Variants in PRKCG observed in about 807,000 individuals in gnomAD.
PRKCG encodes the protein protein kinase C gamma type.
In PRKCG, 28 loss-of-function variants were observed where a neutral mutation model predicts 82.0. The ratio of observed to expected loss-of-function variants is 0.34; its 90% CI spans 0.25 to 0.47. PRKCG has a LOEUF of 0.47. Ranked by LOEUF, PRKCG falls within the 20% of genes least tolerant of loss-of-function variation. The pLI, the probability that PRKCG is intolerant of heterozygous loss-of-function variation, is 1.00. For missense variants in PRKCG, 640 were observed against 952.7 expected (o/e 0.67, Z 4.32); for synonymous variants, 383 against 376.6 (o/e 1.02, Z -0.20).
At position 53,906,701 on chromosome 19, in the gene PRKCG, CCA is replaced by C. The variant is rs2068814791; in HGVS notation, c.1906-3_1906-2del. 6.2e-7 allele frequency: 1 copy of C among 1,612,470 alleles called. No individual in the cohort carries two copies. The highest frequency in any genetic ancestry group is 8.5e-7 in the Non-Finnish European group (1 of 1,179,990). On this transcript the variant is annotated splice_region_variant and splice_polypyrimidine_tract_variant and intron_variant, in intron 17 of 17. Coordinates refer to ENST00000263431, the MANE Select transcript of PRKCG (RefSeq NM_002739.5). ...CTTAACTTTCCCTCCCCCACGTCTC[CCA>C]CAGTGTGGCCGCAGCGGCGAGAACT...
At chr19:53,897,630 T>C (rs1373873251) in intron 9 of PRKCG, among the ~76,000 whole-genome samples, 2 of 151,974 alleles carry the variant, frequency 1.3e-5, no homozygotes, top group Non-Finnish European at 2.9e-5. Flanking sequence ...CTGTGTGACT[T>C]GGGGCAAGTT....
rs1382661341 is a variant in PRKCG at position 53,883,766 on chromosome 19, G to T, written c.203-395G>T. ...TGCCCAAGTTGCTGCTTCCTGGGCTGCGTCTGAAGATATTTCGGTTTTCGC... is the reference window on the plus strand; with the variant it reads ...TGCCCAAGTTGCTGCTTCCTGGGCTTCGTCTGAAGATATTTCGGTTTTCGC... On this transcript the variant is annotated intron_variant, in intron 2 of 17. Coordinates refer to ENST00000263431, the MANE Select transcript of PRKCG (RefSeq NM_002739.5). This position sits in a 1 kb window ranked among gnomAD's most constrained non-coding sequence, Gnocchi z 5.4. Among the ~76,000 whole-genome samples the T allele has an allele frequency of 6.6e-6, 1 of 152,224 alleles. No individual in the cohort carries two copies. Among genetic ancestry groups the T allele is most frequent in the Non-Finnish European group, 1.5e-5 (1 of 68,028 alleles).
chr19:53,901,813 G>A (rs1271837462), intron 14 of PRKCG, among the ~76,000 whole-genome samples: 8 of 145,636 alleles, frequency 5.5e-5, no homozygotes, highest in Non-Finnish European at 5.9e-5. Flanking sequence ...TCGCGCCACT[G>A]CACTCCAGTC....
chr19:53,894,037 A>T (rs941136630), intron 9 of PRKCG, among the ~76,000 whole-genome samples: 2 of 148,574 alleles, frequency 1.3e-5, no homozygotes. Context: ...GATTACAGGC[A>T]TGAGCCACTG....
Position 53,900,716 on chromosome 19 carries a change from C to T in PRKCG, c.1542C>T (p.Thr514=). ...ENVFPGTTTR[T]FCGTPDYIAP... is the part of the protein sequence containing the mutation. ...TCTTCCCCGGGACGACAACCCGCAC[C>T]TTCTGCGGGACCCCGGACTACATAG... is the stretch of plus-strand genomic sequence containing the variant. Residue 514 remains threonine (T), a synonymous_variant, in exon 14 of 18, where the codon ACC becomes ACT. Coordinates refer to ENST00000263431, the MANE Select transcript of PRKCG (RefSeq NM_002739.5). This position sits in a 1 kb window ranked among gnomAD's most constrained non-coding sequence, Gnocchi z 4.2. 1 of 1,614,232 alleles carries T rather than the reference C, an allele frequency of 6.2e-7. No homozygotes were observed. The highest frequency in any genetic ancestry group is 8.5e-7 in the Non-Finnish European group (1 of 1,180,052).
At chr19:53,904,520 C>T in intron 15 of PRKCG, 115 bp from the exon 16 acceptor site, 1 of 807,144 alleles carries the variant, frequency 1.2e-6, no homozygotes, top group Non-Finnish European at 2.1e-6. Flanking sequence ...GTCAGGTGTG[C>T]ATGTGGGGCG....
At chr19:53,885,931 G>GT (rs551771245) in intron 3 of PRKCG, among the ~76,000 whole-genome samples, 262 of 147,946 alleles carry the variant, frequency 1.8e-3, no homozygotes, top group African/African-American at 6.2e-3. Context: ...TTTTTTTTTT[G>GT]TTTTTTGCCT....
chr19:53,893,147 AC>A, intron 8 of PRKCG, 72 bp downstream of exon 8: 1 of 1,441,702 alleles, frequency 6.9e-7, no homozygotes, highest in Non-Finnish European at 9.6e-7. Flanking sequence ...CTTTCCTTCC[AC>A]CCCTGAGTGC....
chr19:53,902,171 T>C (rs1208908854), intron 14 of PRKCG, among the ~76,000 whole-genome samples: 2 of 152,168 alleles, frequency 1.3e-5, no homozygotes, highest in African/African-American at 4.8e-5. Context: ...CCCAGCACTT[T>C]GGGAAGCTGA....
Position 53,898,037 on chromosome 19 carries a change from G to T in PRKCG, c.1018G>T (p.Gly340Trp), listed in dbSNP as rs79382266. 7 of 1,614,018 alleles carry T rather than the reference G, an allele frequency of 4.3e-6. No individual in the cohort carries two copies. The highest frequency in any genetic ancestry group is 5.9e-6 in the Non-Finnish European group (7 of 1,179,994). The change falls in exon 10 of 18, where the codon GGG becomes TGG. Residue 340 changes from glycine to tryptophan, a missense_variant. By Grantham distance (184) the Gly-to-Trp change is radical (BLOSUM62 -2). Coordinates refer to ENST00000263431, the MANE Select transcript of PRKCG (RefSeq NM_002739.5). ...SPTDPKRCFFGASPGRLHISD... is the reference protein window; with the variant it reads ...SPTDPKRCFFWASPGRLHISD... ...CACCGACCCCAAGCGCTGCTTCTTC[G>T]GGGCGAGTCCAGGACGCCTGCACAT...
At position 53,882,651 on chromosome 19, in the gene PRKCG, A is replaced by T. The variant is rs1156534487; in HGVS notation, c.157A>T (p.Thr53Ser). Residue 53 changes from threonine to serine, a missense_variant, in exon 1 of 18, where the codon ACC becomes TCC. By Grantham distance (58) the Thr-to-Ser change is moderately conservative. This residue lies in a region of PRKCG where 50 missense variants were observed against 146.5 expected (regional missense o/e 0.34). Coordinates refer to ENST00000263431, the MANE Select transcript of PRKCG (RefSeq NM_002739.5). The surrounding 1 kb of genome is among the most constrained non-coding windows in gnomAD (Gnocchi z 6.1). ...FKQPTFCSHC[T>S]DFIWGIGKQG... The stretch of plus-strand genomic sequence containing the variant: ...GCAGCCCACCTTCTGCAGCCACTGC[A>T]CCGACTTCATCTGGTGAGGGAAGGG... 1 of 1,609,684 alleles carries T rather than the reference A, an allele frequency of 6.2e-7. No homozygotes were observed. The highest frequency in any genetic ancestry group is 8.5e-7 in the Non-Finnish European group (1 of 1,178,696).
At position 53,889,886 on chromosome 19, in the gene PRKCG, G is replaced by T; in HGVS notation, c.398G>T (p.Cys133Phe). Residue 133 changes from cysteine (C) to phenylalanine (F), a missense_variant and splice_region_variant, in exon 5 of 18, where the codon TGC becomes TTC. Coordinates refer to ENST00000263431, the MANE Select transcript of PRKCG (RefSeq NM_002739.5). The surrounding 1 kb of genome is among the most constrained non-coding windows in gnomAD (Gnocchi z 4.4). Reference sequence around the variant, plus strand: ...TGCTACCCGCAGCTTTCCCCTCCAGGCTGCGAGATGAACGTGCACCGGCGC... The same window carrying T: ...TGCTACCCGCAGCTTTCCCCTCCAGTCTGCGAGATGAACGTGCACCGGCGC... Reference protein sequence around the residue: ...GLVHQGMKCSCCEMNVHRRCV... With the variant: ...GLVHQGMKCSFCEMNVHRRCV... The T allele has an allele frequency of 2.5e-6, 4 of 1,583,780 alleles. No homozygotes were observed. Among genetic ancestry groups the T allele is most frequent in the Non-Finnish European group, 3.4e-6 (4 of 1,165,728 alleles).
At chr19:53,885,744 C>G (rs2068626754) in intron 3 of PRKCG, among the ~76,000 whole-genome samples, 2 of 152,176 alleles carry the variant, frequency 1.3e-5, no homozygotes, top group East Asian at 1.9e-4. Context: ...TTACCACCCT[C>G]TCAGCTGAAA....
chr19:53,901,429 A>T (rs1478564699), intron 14 of PRKCG, among the ~76,000 whole-genome samples: 1 of 151,836 alleles, frequency 6.6e-6, no homozygotes, highest in African/African-American at 2.4e-5. Flanking sequence ...CTGTAATCCC[A>T]GCTATTCGGG....
chr19:53,906,038 CCTCCCTCCTCCT>C (rs1449257001), intron 16 of PRKCG, among the ~76,000 whole-genome samples: 2 of 78,016 alleles, frequency 2.6e-5, no homozygotes, highest in South Asian at 5.7e-4. Context: ...TCCTCCTCCT[CCTCCCTCCTCCT>C]CCTCCTCCTC....
chr19:53,891,330 G>T (rs1335764915), intron 5 of PRKCG, among the ~76,000 whole-genome samples: 1 of 150,542 alleles, frequency 6.6e-6, no homozygotes, highest in Non-Finnish European at 1.5e-5. Context: ...AGGCTGGAGT[G>T]CAGTGGCGTA....
At chr19:53,899,028 G>T (rs998212012) in intron 11 of PRKCG, among the ~76,000 whole-genome samples, 14 of 149,706 alleles carry the variant, frequency 9.4e-5, no homozygotes, top group African/African-American at 3.5e-4. Context: ...ATTAATAGGC[G>T]TGGCCAGGCA....
chr19:53,883,294 G>GAAC lies in PRKCG; in HGVS notation c.202+101_202+102insACA. On this transcript the variant is annotated intron_variant, in intron 2 of 17. Coordinates refer to ENST00000263431, the MANE Select transcript of PRKCG (RefSeq NM_002739.5). This position sits in a 1 kb window ranked among gnomAD's most constrained non-coding sequence, Gnocchi z 5.4. ...ACACACGTGTTCTCTGGTCCCCAGA[G>GAAC]AGGCGCGGGGGAGCCCGGGGCGGGG... 6.9e-7 allele frequency: 1 copy of GAAC among 1,448,140 alleles called. No individual in the cohort carries two copies. Among genetic ancestry groups the GAAC allele is most frequent in the Non-Finnish European group, 9.6e-7 (1 of 1,036,946 alleles). The allele number at this position is 1,448,140 out of a possible 1,614,324, so 89.7% of individuals were successfully genotyped here.
Position 53,892,752 on chromosome 19 carries a change from G to GCGCACA in PRKCG, c.821+110_821+111insGCACAC, listed in dbSNP as rs1201671245. The GCGCACA allele has an allele frequency of 1.4e-3, 1,510 of 1,096,898 alleles. 5 individuals carry two copies. Among genetic ancestry groups the GCGCACA allele is most frequent in the Middle Eastern group, 7.4e-3 (30 of 4,048 alleles). The allele number at this position is 1,096,898 out of a possible 1,614,324, so 67.9% of individuals were successfully genotyped here. On this transcript the variant is annotated intron_variant, in intron 7 of 17. Coordinates refer to ENST00000263431, the MANE Select transcript of PRKCG (RefSeq NM_002739.5). The surrounding 1 kb of genome is among the most constrained non-coding windows in gnomAD (Gnocchi z 5.9). ...TCCTTCCCTCTGCCTCCCAGCATGCGCACACACACACACACACACACACAC... is the reference window on the plus strand; with the variant it reads ...TCCTTCCCTCTGCCTCCCAGCATGCGCGCACACACACACACACACACACACACACAC...
Sources: gnomAD v4.1 joint callset for allele counts (sites outside exome capture counted in the v4.1 genomes callset) on GRCh38, gnomAD v4.1.1 for gene constraint, gnomAD v4.1.1 regional missense constraint, Gnocchi (gnomAD v3.1) non-coding constraint, MANE v1.5 for transcripts, NCBI Gene and HGNC (gene_info 2026-07-23, HGNC 2026-07-21) for gene names.